Variants in ZFYVE16 observed in about 807,000 individuals in gnomAD.
ZFYVE16 encodes the protein zinc finger FYVE-type containing 16.
ZFYVE16 carries 89 observed loss-of-function variants against 138.1 expected under a neutral mutation model. That is an observed-to-expected ratio of 0.64 (90% CI 0.54 to 0.77). The LOEUF (loss-of-function observed/expected upper bound fraction) is 0.77, where lower values mean the gene tolerates loss of function less well. Among genes scored for constraint, ZFYVE16 ranks in the 30% least tolerant of loss-of-function variants. The probability of loss-of-function intolerance (pLI) is 0.00; values close to 1 mark genes in which losing one functional copy is unlikely to be tolerated. For synonymous variants in ZFYVE16, 596 were observed against 618.3 expected (o/e 0.96, Z 0.53); for missense variants, 1,793 against 1,786.7 (o/e 1.00, Z -0.06).
intron 15 of ZFYVE16, among the ~76,000 whole-genome samples, chr5:80,466,641 G>T (rs1366011586): frequency 1.3e-5 from 2 of 151,888 alleles, no homozygotes; most frequent in African/African-American, 4.8e-5. Context: ...TCATATACAG[G>T]CCATATTTTC....
chr5:80,413,510 A>G (rs1235877435), intron 1 of ZFYVE16, among the ~76,000 whole-genome samples: 1 of 151,634 alleles, frequency 6.6e-6, no homozygotes, highest in Non-Finnish European at 1.5e-5. Flanking sequence ...AAAAACAACA[A>G]TCTTCTGCCC....
chr5:80,470,100 T>TGTGTG (rs1754193477), intron 15 of ZFYVE16, among the ~76,000 whole-genome samples: 2 of 58,786 alleles, frequency 3.4e-5, no homozygotes, highest in African/African-American at 1.0e-4. Flanking sequence ...TGTGTGTGTG[T>TGTGTG]ATTTTTTTTT....
rs920741937 is a variant in ZFYVE16, at chr5:80,445,568, T to TA, written c.2724+171dup. On this transcript the variant is annotated intron_variant, in intron 7 of 18. Coordinates refer to ENST00000505560, the MANE Select transcript of ZFYVE16 (RefSeq NM_001284236.3). ...AATATATTTTAGATTTTACCCCCTTTAAAAAAAAGAGAGAGACAGTCTTGC... is the reference window on the plus strand; with the variant it reads ...AATATATTTTAGATTTTACCCCCTTTAAAAAAAAAGAGAGAGACAGTCTTGC... Among the ~76,000 whole-genome samples the TA allele has an allele frequency of 1.2e-4, 18 of 151,044 alleles. 1 individual carries two copies. Among genetic ancestry groups the TA allele is most frequent in the African/African-American group, 4.1e-4 (17 of 41,200 alleles).
intron 2 of ZFYVE16, among the ~76,000 whole-genome samples, chr5:80,432,709 G>A (rs1245002696): frequency 6.6e-6 from 1 of 152,068 alleles, no homozygotes; most frequent in African/African-American, 2.4e-5. Flanking sequence ...CAGATACCCA[G>A]AATCTACAAA....
At chr5:80,458,708 C>T (rs1029167550) in intron 14 of ZFYVE16, among the ~76,000 whole-genome samples, 1 of 152,104 alleles carries the variant, frequency 6.6e-6, no homozygotes, top group Non-Finnish European at 1.5e-5. Flanking sequence ...CACATTTGAA[C>T]CTATCTGTAA....
At chr5:80,441,188 C>T (rs1750668556) in intron 5 of ZFYVE16, 2 of 985,376 alleles carry the variant, frequency 2.0e-6, no homozygotes, top group Non-Finnish European at 2.4e-6. Context: ...ATATAATTAT[C>T]TCCCCCACTT....
intron 15 of ZFYVE16, among the ~76,000 whole-genome samples, chr5:80,463,258 C>T (rs1324188391): frequency 1.3e-5 from 2 of 152,212 alleles, no homozygotes; most frequent in Non-Finnish European, 2.9e-5. Flanking sequence ...CATTTCCGTA[C>T]ATCCTCTGAA....
At chr5:80,413,654 A>G (rs888598307) in intron 1 of ZFYVE16, among the ~76,000 whole-genome samples, 1 of 152,178 alleles carries the variant, frequency 6.6e-6, no homozygotes, top group Non-Finnish European at 1.5e-5. Context: ...GTAGGTAGCT[A>G]ATAATATGAT....
chr5:80,474,668 C>T lies in ZFYVE16; in HGVS notation c.4299C>T (p.Phe1433=), dbSNP rs1269374003. Residue 1433 remains phenylalanine, a synonymous_variant, in exon 18 of 19, where the codon TTC becomes TTT. Transcript: ENST00000505560. ...DEKIVKCTEV[F]YFLKDQDLSI... ...CCTAATTAAATACATTTCAGGTGTT[C>T]TACTTTCTAAAGGACCAGGATTTAT... 6.2e-7 allele frequency: 1 copy of T among 1,606,994 alleles called. No homozygotes were observed. The highest frequency in any genetic ancestry group is 1.7e-5 in the Admixed American group (1 of 58,196).
intron 1 of ZFYVE16, chr5:80,410,407 A>G (rs1354556867): frequency 6.6e-6 from 1 of 152,172 alleles, no homozygotes; most frequent in African/African-American, 2.4e-5. Context: ...GCAGGCAATA[A>G]ATGGTATATG....
At chr5:80,427,575 A>G (rs967750616) in intron 2 of ZFYVE16, 30 bp downstream of exon 2, 9 of 140,900 alleles carry the variant, frequency 6.4e-5, no homozygotes, top group African/African-American at 2.3e-4. Context: ...CTTTTCATAA[A>G]ACTAACTGTT....
At chr5:80,465,400 G>GTTTTT (rs3072097) in intron 15 of ZFYVE16, among the ~76,000 whole-genome samples, 593 of 26,722 alleles carry the variant, frequency 0.022, 154 homozygotes, top group Non-Finnish European at 0.029. Context: ...CCTTTTCTTT[G>GTTTTT]TTTTTTTTTT....
chr5:80,429,597 A>G (rs1748674396), intron 2 of ZFYVE16, among the ~76,000 whole-genome samples: 1 of 152,194 alleles, frequency 6.6e-6, no homozygotes, highest in African/African-American at 2.4e-5. Flanking sequence ...ATTCACACAT[A>G]ACAATATGAA....
At chr5:80,441,638 G>C (rs1222201833) in intron 5 of ZFYVE16, 6 of 984,846 alleles carry the variant, frequency 6.1e-6, no homozygotes, top group African/African-American at 1.7e-5. Context: ...AGAGATTGTA[G>C]ATAATGAGAA....
intron 4 of ZFYVE16, among the ~76,000 whole-genome samples, chr5:80,439,395 C>T (rs964494815): frequency 1.3e-5 from 2 of 152,118 alleles, no homozygotes; most frequent in African/African-American, 4.8e-5. Context: ...GTGATCAATG[C>T]CCAGGGAAAC....
Position 80,438,242 on chromosome 5 carries a change from T to G in ZFYVE16, c.1557T>G (p.Asp519Glu). 1 of 1,614,004 alleles carries G rather than the reference T, an allele frequency of 6.2e-7. No individual in the cohort carries two copies. Among genetic ancestry groups the G allele is most frequent in the Middle Eastern group, 1.6e-4 (1 of 6,062 alleles). Residue 519 changes from aspartate (D) to glutamate (E), a missense_variant, in exon 4 of 19, where the codon GAT (aspartate) becomes GAG (glutamate). Transcript: ENST00000505560. ...AAGACTTAGATTACTTTAATATTGA[T>G]GAAGGCGCAAAAAGTGGCCCACTAA... ...DGQDLDYFNI[D>E]EGAKSGPLIS...
intron 1 of ZFYVE16, among the ~76,000 whole-genome samples, chr5:80,414,533 A>T (rs1745922662): frequency 6.6e-6 from 1 of 151,282 alleles, no homozygotes; most frequent in Admixed American, 6.6e-5. Flanking sequence ...TTTTTATTTA[A>T]CCCTCACATT....
intron 1 of ZFYVE16, among the ~76,000 whole-genome samples, chr5:80,409,109 T>C (rs909010924): frequency 1.3e-5 from 2 of 152,102 alleles, no homozygotes; most frequent in African/African-American, 4.8e-5. Flanking sequence ...CAATTACTTA[T>C]AATATTTTGA....
At chr5:80,440,274 G>GGTACC (rs1201298734) in intron 5 of ZFYVE16, 1 of 1,137,242 alleles carries the variant, frequency 8.8e-7, no homozygotes, top group Non-Finnish European at 1.1e-6. Flanking sequence ...ACTTTTAACA[G>GGTACC]GTACCAAGTC....
Sources: gnomAD v4.1 joint callset for allele counts (sites outside exome capture counted in the v4.1 genomes callset) on GRCh38, gnomAD v4.1.1 for gene constraint, MANE v1.5 for transcripts, NCBI Gene and HGNC (gene_info 2026-07-23, HGNC 2026-07-21) for gene names.